PHF14: variants seen among roughly 807,000 people sequenced by gnomAD.
The protein encoded by PHF14 is PHD finger protein 14.
Under a neutral mutation model 117.9 loss-of-function variants are expected in PHF14, and 55 were observed. The observed-to-expected ratio is 0.47, with a 90% confidence interval of 0.38 to 0.58. The LOEUF (loss-of-function observed/expected upper bound fraction) is 0.58. Ranked by LOEUF, PHF14 falls within the 20% of genes least tolerant of loss-of-function variation. The pLI is 0.00. For missense variants in PHF14, 978 were observed against 1,122.2 expected, an observed-to-expected ratio of 0.87 and a Z score of 1.84; for synonymous variants, 409 against 368.6, an observed-to-expected ratio of 1.11 and a Z score of -1.26.
At chr7:11,166,033 T>C (rs1419532048) in intron 17 of PHF14, among the ~76,000 whole-genome samples, 1 of 152,210 alleles carries the variant, frequency 6.6e-6, no homozygotes, top group Non-Finnish European at 1.5e-5. Flanking sequence ...CATTTGATAT[T>C]ACAGGTGTTA....
chr7:11,161,989 C>T (rs1415952829), intron 17 of PHF14, among the ~76,000 whole-genome samples: 1 of 149,874 alleles, frequency 6.7e-6, no homozygotes, highest in Non-Finnish European at 1.5e-5. Context: ...AACATACTCA[C>T]CATAAAAGAA....
At chr7:10,978,778 T>C (rs942382021) in intron 2 of PHF14, among the ~76,000 whole-genome samples, 13 of 152,126 alleles carry the variant, frequency 8.5e-5, no homozygotes, top group African/African-American at 3.1e-4. Flanking sequence ...GTGGCAACTA[T>C]TGTTTCCAGA....
At chr7:10,976,447 A>T (rs1781867137) in intron 2 of PHF14, among the ~76,000 whole-genome samples, 2 of 152,162 alleles carry the variant, frequency 1.3e-5, no homozygotes, top group South Asian at 4.1e-4. Context: ...GTAAACTTTG[A>T]CAAACATAGT....
intron 16 of PHF14, among the ~76,000 whole-genome samples, chr7:11,067,067 A>G (rs1335848051): frequency 1.3e-5 from 2 of 152,350 alleles, no homozygotes; most frequent in East Asian, 3.9e-4. Context: ...TTTGCAAGTC[A>G]TGTATCTGTT....
At chr7:11,138,376 A>T (rs890466132) in intron 17 of PHF14, among the ~76,000 whole-genome samples, 9 of 152,164 alleles carry the variant, frequency 5.9e-5, no homozygotes, top group Non-Finnish European at 1.0e-4. Flanking sequence ...TTACAAGGTG[A>T]TAATGAAAAA....
At chr7:11,040,231 C>A (rs576288113) in intron 11 of PHF14, among the ~76,000 whole-genome samples, 1 of 152,004 alleles carries the variant, frequency 6.6e-6, no homozygotes, top group East Asian at 1.9e-4. Flanking sequence ...TAGTAGAAAC[C>A]CAAAGAGAAT....
chr7:11,146,885 T>C (rs1191601496), intron 17 of PHF14, among the ~76,000 whole-genome samples: 1 of 152,202 alleles, frequency 6.6e-6, no homozygotes, highest in Non-Finnish European at 1.5e-5. Context: ...CTCACTCTGA[T>C]ACCCAGGCTG....
At chr7:11,042,977 C>CT (rs34970712) in intron 13 of PHF14, among the ~76,000 whole-genome samples, 163 bp downstream of exon 13, 55,086 of 151,698 alleles carry the variant, frequency 0.36, 10,651 homozygotes, top group East Asian at 0.75. Flanking sequence ...TCTATAACAG[C>CT]TTTTTTGAGA....
intron 16 of PHF14, among the ~76,000 whole-genome samples, chr7:11,069,843 C>T (rs1372266280): frequency 2.7e-5 from 4 of 147,836 alleles, no homozygotes; most frequent in East Asian, 4.1e-4. Flanking sequence ...CCCAGCTGTT[C>T]TATTATTTAT....
intron 4 of PHF14, among the ~76,000 whole-genome samples, chr7:11,009,205 A>T (rs1297647190): frequency 6.6e-6 from 1 of 152,198 alleles, no homozygotes; most frequent in Admixed American, 6.5e-5. Context: ...CATACTGCAG[A>T]TGAAATAACT....
At chr7:11,161,167 G>C (rs973496246) in intron 17 of PHF14, among the ~76,000 whole-genome samples, 3 of 152,108 alleles carry the variant, frequency 2.0e-5, no homozygotes, top group Non-Finnish European at 4.4e-5. Flanking sequence ...ATTGAATGGA[G>C]ATATTATGAC....
intron 16 of PHF14, among the ~76,000 whole-genome samples, chr7:11,075,865 C>G (rs1038005138): frequency 2.0e-5 from 3 of 152,158 alleles, no homozygotes; most frequent in African/African-American, 7.2e-5. Context: ...GGCGCGGTGA[C>G]TCATGCCTGT....
rs10242862 is a variant in PHF14, at chr7:11,105,230, T to C, written c.2655-6120T>C. On this transcript the variant is annotated intron_variant, in intron 16 of 17. Coordinates refer to ENST00000634607, the MANE Select transcript of PHF14 (RefSeq NM_001007157.2). ...AACTTTAGAAATTATATTTATGCAT[T>C]GTTTATAGATCATTGTCATTCGTTG... is the stretch of plus-strand genomic sequence containing the variant. 7,337 of 959,624 alleles carry C rather than the reference T, an allele frequency of 7.6e-3. 435 individuals are homozygous for C. In the African/African-American group the frequency reaches 0.12, roughly 16 times the overall value. 59.4% of individuals were successfully genotyped at this position (959,624 alleles called of 1,614,324 possible). A position where few individuals can be genotyped will look rare whatever the true frequency, so the allele number is the denominator to read the frequency against.
At chr7:11,047,760 T>C (rs1018611008) in intron 13 of PHF14, among the ~76,000 whole-genome samples, 4 of 138,418 alleles carry the variant, frequency 2.9e-5, no homozygotes, top group African/African-American at 1.1e-4. Flanking sequence ...CTCTCCAATC[T>C]GGGTGACAGA....
At chr7:11,123,796 C>T (rs935975248) in intron 17 of PHF14, among the ~76,000 whole-genome samples, 1 of 147,844 alleles carries the variant, frequency 6.8e-6, no homozygotes, top group African/African-American at 2.7e-5. Context: ...CTGGAATGAG[C>T]AGAGATCGTG....
At chr7:10,996,386 G>T (rs1451000262) in intron 4 of PHF14, among the ~76,000 whole-genome samples, 2 of 152,164 alleles carry the variant, frequency 1.3e-5, no homozygotes, top group African/African-American at 4.8e-5. Flanking sequence ...AAGACTAAAT[G>T]CTTGTAACAA....
At chr7:11,073,075 A>G (rs541470056) in intron 16 of PHF14, among the ~76,000 whole-genome samples, 1 of 152,242 alleles carries the variant, frequency 6.6e-6, no homozygotes, top group African/African-American at 2.4e-5. Flanking sequence ...TCCAAACTAT[A>G]TACTTTCACT....
intron 3 of PHF14, 65 bp downstream of exon 3, chr7:10,983,224 T>C: frequency 6.6e-7 from 1 of 1,513,738 alleles, no homozygotes; most frequent in East Asian, 2.3e-5. Flanking sequence ...TAAATCACTC[T>C]ACACATTGTA....
At chr7:11,162,072 C>CTTTTTTTTTTTTTT (rs564998009) in intron 17 of PHF14, among the ~76,000 whole-genome samples, 10 of 70,276 alleles carry the variant, frequency 1.4e-4, no homozygotes, top group African/African-American at 2.5e-4. Flanking sequence ...AAAAATATGT[C>CTTTTTTTTTTTTTT]TTTTTTTTTT....
Sources: allele counts gnomAD v4.1 joint callset (sites outside exome capture counted in the v4.1 genomes callset), GRCh38; gene constraint gnomAD v4.1.1; transcripts MANE v1.5; gene names NCBI Gene and HGNC (gene_info 2026-07-23, HGNC 2026-07-21).